Variants in PDCD2 observed in about 807,000 individuals in gnomAD.
The protein encoded by PDCD2 is programmed cell death 2.
In PDCD2, 38 loss-of-function variants were observed where a neutral mutation model predicts 38.1. That is an observed-to-expected ratio of 1.00 (90% CI 0.77 to 1.31). The LOEUF (loss-of-function observed/expected upper bound fraction) is 1.31, where lower values mean the gene tolerates loss of function less well. Among genes scored for constraint, PDCD2 ranks in the 50% most tolerant of loss-of-function variants. The pLI is 0.00. For missense variants in PDCD2, 473 were observed against 435.7 expected, an observed-to-expected ratio of 1.09 and a Z score of -0.76; for synonymous variants, 205 against 168.9, an observed-to-expected ratio of 1.21 and a Z score of -1.66.
At position 170,583,247 on chromosome 6, in the gene PDCD2, T is replaced by C. The variant is rs372584984; in HGVS notation, c.527-59A>G. 66 of 1,265,142 alleles carry C rather than the reference T, an allele frequency of 5.2e-5. No individual in the cohort carries two copies. The African/African-American group carries it at 8.8e-4, about 17-fold the overall frequency. The allele number at this position is 1,265,142 out of a possible 1,614,324, so 78.4% of individuals were successfully genotyped here. The stretch of plus-strand genomic sequence containing the variant: ...TTTAGTTTTGAAGACAGTCTAATAA[T>C]TTGCTGTCTCTAAAGTACTATATTC... On this transcript the variant is annotated intron_variant, in intron 2 of 5. Coordinates refer to ENST00000541970, the MANE Select transcript of PDCD2 (RefSeq NM_002598.4).
intron 2 of PDCD2, 75 bp downstream of exon 2, chr6:170,583,430 T>C: frequency 6.6e-7 from 1 of 1,507,740 alleles, no homozygotes; most frequent in Non-Finnish European, 8.9e-7. Context: ...ATTTTACCTT[T>C]AAAGTTGTCC....
In PDCD2 at chr6:170,576,476, A is replaced by G. The variant is rs922387963; in HGVS notation, c.*1083T>C. The G allele has an allele frequency of 6.6e-6, 1 of 152,240 alleles. No homozygotes were observed. 9.4% of individuals were successfully genotyped at this position (152,240 alleles called of 1,614,324 possible). On this transcript the variant is annotated 3_prime_UTR_variant, in exon 6 of 6. Transcript: ENST00000541970. ...TATCAGAATTAGCCGTCAGTATTCA[A>G]GCACTGATCAACAGCAATGTGTCTT...
intron 3 of PDCD2, 195 bp downstream of exon 3, chr6:170,582,862 A>G: frequency 7.2e-7 from 1 of 1,395,476 alleles, no homozygotes; most frequent in Non-Finnish European, 9.2e-7. Flanking sequence ...CTTTACAGGG[A>G]GCAGAACACA....
Position 170,575,444 on chromosome 6 carries a change from G to A in PDCD2, c.*2115C>T, listed in dbSNP as rs1465231882. On this transcript the variant is annotated 3_prime_UTR_variant, in exon 6 of 6. Coordinates refer to ENST00000541970, the MANE Select transcript of PDCD2 (RefSeq NM_002598.4). ...TGTGGCTGGACAGTATCTGAACCAA[G>A]CAGATCTTAAAACTTTGTAGGTGTT... 6.6e-6 allele frequency: 1 copy of A among 152,080 alleles called. No individual in the cohort carries two copies. Among genetic ancestry groups the A allele is most frequent in the Non-Finnish European group, 1.5e-5 (1 of 68,034 alleles). 9.4% of individuals were successfully genotyped at this position (152,080 alleles called of 1,614,324 possible).
At chr6:170,579,329 T>TA (rs1247454162) in intron 4 of PDCD2, 1 of 188,146 alleles carries the variant, frequency 5.3e-6, no homozygotes, top group Non-Finnish European at 1.1e-5. Context: ...CCTTCATAGT[T>TA]AAAAAATTTT....
rs1195082899 is a variant in PDCD2 at position 170,575,815 on chromosome 6, T to C, written c.*1744A>G. On this transcript the variant is annotated 3_prime_UTR_variant, in exon 6 of 6. Transcript: ENST00000541970. ...ACACCAATGACAGCTTGCCTGGGTATGCCAAAATACCTGCAAGAATGTCCA... is the reference window on the plus strand; with the variant it reads ...ACACCAATGACAGCTTGCCTGGGTACGCCAAAATACCTGCAAGAATGTCCA... 1 of 152,224 alleles carries C rather than the reference T, an allele frequency of 6.6e-6. No individual in the cohort carries two copies. Among genetic ancestry groups the C allele is most frequent in the Non-Finnish European group, 1.5e-5 (1 of 68,042 alleles). 9.4% of individuals were successfully genotyped at this position (152,224 alleles called of 1,614,324 possible).
At chr6:170,583,221 A>C in intron 2 of PDCD2, 33 bp from the exon 3 acceptor site, 1 of 1,431,642 alleles carries the variant, frequency 7.0e-7, no homozygotes, top group Non-Finnish European at 9.7e-7. Flanking sequence ...ATTAGTAATC[A>C]TTTAGTTTTG....
intron 3 of PDCD2, 132 bp downstream of exon 3, chr6:170,582,925 A>C: frequency 6.7e-7 from 1 of 1,492,750 alleles, no homozygotes; most frequent in Admixed American, 2.4e-5. Context: ...ACCTGAGGCA[A>C]TATCTGAAAA....
rs1234744113 is a variant in PDCD2, at chr6:170,583,177, G to A, written c.538C>T (p.His180Tyr). Residue 180 changes from histidine (H) to tyrosine (Y), a missense_variant, in exon 3 of 6, where the codon CAT becomes TAT. Transcript: ENST00000541970. ...QACAQPDHLDHIIPDHNFLFP... is the reference protein window; with the variant it reads ...QACAQPDHLDYIIPDHNFLFP... ...AGGAAGTTGTGGTCTGGAATTATAT[G>A]GTCCAGATGATCTGAAACAAAAAGG... The A allele has an allele frequency of 6.3e-6, 10 of 1,598,198 alleles. No homozygotes were observed. The South Asian group carries it at 1.0e-4, about 16-fold the overall frequency.
intron 3 of PDCD2, chr6:170,582,250 G>T: frequency 6.9e-7 from 1 of 1,452,730 alleles, no homozygotes; most frequent in Non-Finnish European, 9.3e-7. Flanking sequence ...CTGGAGTGTT[G>T]CTTCCCATTA....
intron 1 of PDCD2, 88 bp from the exon 2 acceptor site, chr6:170,583,835 A>G: frequency 1.2e-6 from 1 of 822,282 alleles, no homozygotes. Flanking sequence ...TGAAAATAAC[A>G]ACAACAAAAA....
At position 170,583,760 on chromosome 6, in the gene PDCD2, A is replaced by G. The variant is rs4140615; in HGVS notation, c.284-13T>C. The G allele has an allele frequency of 0.51, 814,081 of 1,587,570 alleles. 212,205 individuals are homozygous for G. Among genetic ancestry groups the G allele is most frequent in the East Asian group, 0.79 (35,248 of 44,512 alleles). On this transcript the variant is annotated splice_polypyrimidine_tract_variant and intron_variant, in intron 1 of 5. Coordinates refer to ENST00000541970, the MANE Select transcript of PDCD2 (RefSeq NM_002598.4). ...TGATTCCTAAAAACTAAAAAAGAATACAGAGAAAAGTTTTATCTTCAAACA... is the reference window on the plus strand; with the variant it reads ...TGATTCCTAAAAACTAAAAAAGAATGCAGAGAAAAGTTTTATCTTCAAACA...
chr6:170,576,726 C>T lies in PDCD2; in HGVS notation c.*833G>A, dbSNP rs1269000081. 6.6e-6 allele frequency: 1 copy of T among 152,214 alleles called. No individual in the cohort carries two copies. The highest frequency in any genetic ancestry group is 1.5e-5 in the Non-Finnish European group (1 of 68,054). 9.4% of individuals were successfully genotyped at this position (152,214 alleles called of 1,614,324 possible). A position where few individuals can be genotyped will look rare whatever the true frequency, so the allele number is the denominator to read the frequency against. ...CTTATTTTGGCTTACATTCCATAAC[C>T]CTTGTATGTGCGATAGGGAACCTGT... On this transcript the variant is annotated 3_prime_UTR_variant, in exon 6 of 6. Transcript: ENST00000541970.
Position 170,584,569 on chromosome 6 carries a change from C to G in PDCD2, c.13G>C (p.Gly5Arg), listed in dbSNP as rs1041184596. Residue 5 changes from glycine to arginine, a missense_variant, in exon 1 of 6, where the codon GGG becomes CGG. Coordinates refer to ENST00000541970, the MANE Select transcript of PDCD2 (RefSeq NM_002598.4). MAAA[G>R]ARPVELGFAE... ...AAGCCCAGCTCCACAGGCCTGGCCC[C>G]GGCGGCAGCCATGCGGGGCGCGGGC... 4 of 1,281,228 alleles carry G rather than the reference C, an allele frequency of 3.1e-6. No individual in the cohort carries two copies. Among genetic ancestry groups the G allele is most frequent in the East Asian group, 6.3e-5 (2 of 31,532 alleles). 79.4% of individuals were successfully genotyped at this position (1,281,228 alleles called of 1,614,324 possible).
intron 3 of PDCD2, among the ~76,000 whole-genome samples, chr6:170,580,377 T>C (rs1250509708): frequency 6.6e-6 from 1 of 152,180 alleles, no homozygotes; most frequent in African/African-American, 2.4e-5. Flanking sequence ...TGAGCCCTTA[T>C]CATTAGTATC....
At chr6:170,580,537 AAATCCCGT>A (rs1265726907) in intron 3 of PDCD2, among the ~76,000 whole-genome samples, 1 of 152,178 alleles carries the variant, frequency 6.6e-6, no homozygotes, top group Non-Finnish European at 1.5e-5. Context: ...CAACATGGTG[AAATCCCGT>A]ATCTACTAAA....
rs1204434180 is a variant in PDCD2, at chr6:170,575,699, T to C, written c.*1860A>G. ...CTGTGAGATTTTCTTTCTGGTGATT[T>C]GGACCAGTTTGTCTCCCTCTTGATA... is the stretch of plus-strand genomic sequence containing the variant. On this transcript the variant is annotated 3_prime_UTR_variant, in exon 6 of 6. Coordinates refer to ENST00000541970, the MANE Select transcript of PDCD2 (RefSeq NM_002598.4). 1.3e-5 allele frequency: 2 copies of C among 152,252 alleles called. No homozygotes were observed. Among genetic ancestry groups the C allele is most frequent in the African/African-American group, 2.4e-5 (1 of 41,470 alleles). The allele number at this position is 152,252 out of a possible 1,614,324, so 9.4% of individuals were successfully genotyped here. A position where few individuals can be genotyped will look rare whatever the true frequency, so the allele number is the denominator to read the frequency against.
intron 3 of PDCD2, chr6:170,581,880 A>C (rs755535521): frequency 1.2e-5 from 4 of 333,080 alleles, no homozygotes; most frequent in Admixed American, 4.7e-5. Context: ...ATATGACTAC[A>C]TCAAGAGTTT....
Position 170,578,837 on chromosome 6 carries a change from GT to G in PDCD2, c.876+19del, listed in dbSNP as rs112214601. 1 of 1,372,264 alleles carries G rather than the reference GT, an allele frequency of 7.3e-7. No individual in the cohort carries two copies. The highest frequency in any genetic ancestry group is 1.4e-5 in the African/African-American group (1 of 70,098). The allele number at this position is 1,372,264 out of a possible 1,614,324, so 85.0% of individuals were successfully genotyped here. A position where few individuals can be genotyped will look rare whatever the true frequency, so the allele number is the denominator to read the frequency against. ...AATCATGGTGATTACACACTAAATGGTCCTTATTTAAGGTCATACCTGGAAT... is the reference window on the plus strand; with the variant it reads ...AATCATGGTGATTACACACTAAATGGCCTTATTTAAGGTCATACCTGGAAT... On this transcript the variant is annotated intron_variant, in intron 5 of 5. Coordinates refer to ENST00000541970, the MANE Select transcript of PDCD2 (RefSeq NM_002598.4).
Sources: gnomAD v4.1 joint callset for allele counts (sites outside exome capture counted in the v4.1 genomes callset) on GRCh38, gnomAD v4.1.1 for gene constraint, MANE v1.5 for transcripts, NCBI Gene and HGNC (gene_info 2026-07-23, HGNC 2026-07-21) for gene names.